Variants in IL1RAPL1 observed in about 807,000 individuals in gnomAD.
The protein encoded by IL1RAPL1 is interleukin-1 receptor accessory protein-like 1.
Under a neutral mutation model 48.4 loss-of-function variants are expected in IL1RAPL1, and 3 were observed. The observed-to-expected ratio is 0.06, with a 90% CI of 0.03 to 0.16. The LOEUF is 0.16. IL1RAPL1 is among the 10% of genes least tolerant of loss of function. The pLI, the probability that IL1RAPL1 is intolerant of heterozygous loss-of-function variation, is 1.00. For synonymous variants in IL1RAPL1, 185 were observed against 187.7 expected, an observed-to-expected ratio of 0.99 and a Z score of 0.12; for missense variants, 349 against 530.6, an observed-to-expected ratio of 0.66 and a Z score of 3.36.
At chrX:29,719,086 A>G (rs760898040) in intron 6 of IL1RAPL1, among the ~76,000 whole-genome samples, 4 of 112,092 alleles carry the variant, frequency 3.6e-5, no homozygotes, top group Non-Finnish European at 7.5e-5. Flanking sequence ...TTTCCGGTTA[A>G]TAATCATTGC....
At chrX:28,608,151 C>T (rs1338188026) in intron 1 of IL1RAPL1, among the ~76,000 whole-genome samples, 1 of 111,688 alleles carries the variant, frequency 9.0e-6, no homozygotes, top group Non-Finnish European at 1.9e-5. Flanking sequence ...GCTTTGACTA[C>T]AGATGTAAAA....
intron 2 of IL1RAPL1, among the ~76,000 whole-genome samples, chrX:29,054,031 A>T (rs1040802177): frequency 9.0e-6 from 1 of 111,504 alleles, no homozygotes; most frequent in Admixed American, 9.6e-5. Context: ...TTATGTATGT[A>T]TACCACATTT....
At chrX:28,909,513 A>G (rs1251216383) in intron 2 of IL1RAPL1, among the ~76,000 whole-genome samples, 1 of 111,307 alleles carries the variant, frequency 9.0e-6, no homozygotes, top group Non-Finnish European at 1.9e-5. Context: ...CCTTTTTATA[A>G]ACATCTTCAT....
At position 29,867,443 on chromosome X, in the gene IL1RAPL1, C is replaced by T. The variant is rs189968857; in HGVS notation, c.779-50021C>T. On this transcript the variant is annotated intron_variant, in intron 6 of 10. Transcript: ENST00000378993. ...TTAAAAAAGAGATCGAAGAGAGTGGCCTAGGCCCTTTTTTGCCATTCCACC... is the reference window on the plus strand; with the variant it reads ...TTAAAAAAGAGATCGAAGAGAGTGGTCTAGGCCCTTTTTTGCCATTCCACC... Among the ~76,000 whole-genome samples the T allele has an allele frequency of 1.5e-4, 17 of 111,193 alleles. No individual in the cohort carries two copies. In the East Asian group the frequency reaches 4.8e-3, roughly 32 times the overall value.
intron 1 of IL1RAPL1, among the ~76,000 whole-genome samples, chrX:28,714,299 A>C (rs1202413746): frequency 9.0e-6 from 1 of 111,441 alleles, no homozygotes; most frequent in Admixed American, 9.6e-5. Context: ...CTTCTTCCTA[A>C]CATTTTAGAT....
intron 1 of IL1RAPL1, among the ~76,000 whole-genome samples, chrX:28,743,947 T>C (rs1360907320): frequency 9.0e-6 from 1 of 111,136 alleles, no homozygotes; most frequent in African/African-American, 3.3e-5. Flanking sequence ...TATTCAAGTC[T>C]GAGCATTTGC....
intron 6 of IL1RAPL1, among the ~76,000 whole-genome samples, chrX:29,723,938 C>T (rs1927709594): frequency 1.8e-5 from 2 of 110,616 alleles, no homozygotes; most frequent in Admixed American, 1.9e-4. Flanking sequence ...CCTCAGTCTC[C>T]CAAGTAGCTG....
At chrX:29,803,113 A>ATATGTGTATACATGTATGCATATATG in intron 6 of IL1RAPL1, among the ~76,000 whole-genome samples, 1 of 91,232 alleles carries the variant, frequency 1.1e-5, no homozygotes, top group South Asian at 5.1e-4. Flanking sequence ...ACATATATGT[A>ATATGTGTATACATGTATGCATATATG]TATATGTGTA....
At chrX:28,766,995 C>T (rs1936248573) in intron 1 of IL1RAPL1, among the ~76,000 whole-genome samples, 1 of 111,498 alleles carries the variant, frequency 9.0e-6, no homozygotes, top group Non-Finnish European at 1.9e-5. Flanking sequence ...AGTACTGCAA[C>T]AAACATAGGA....
At chrX:29,173,477 C>A (rs1469191814) in intron 2 of IL1RAPL1, among the ~76,000 whole-genome samples, 1 of 111,496 alleles carries the variant, frequency 9.0e-6, no homozygotes, top group Non-Finnish European at 1.9e-5. Context: ...AAAATTCATA[C>A]CTTTGTGGTC....
chrX:28,713,178 C>T (rs979224689), intron 1 of IL1RAPL1, among the ~76,000 whole-genome samples: 4 of 110,214 alleles, frequency 3.6e-5, no homozygotes, highest in East Asian at 2.9e-4. Context: ...CTCAGCCTCC[C>T]GAGTAGCTGG....
intron 2 of IL1RAPL1, among the ~76,000 whole-genome samples, chrX:28,817,123 A>T (rs1936879653): frequency 9.0e-6 from 1 of 111,058 alleles, no homozygotes; most frequent in Non-Finnish European, 1.9e-5. Context: ...ATAGCTCTTC[A>T]TGAAACTTAT....
intron 6 of IL1RAPL1, among the ~76,000 whole-genome samples, chrX:29,877,829 A>C (rs760435216): frequency 8.9e-6 from 1 of 111,875 alleles, no homozygotes; most frequent in South Asian, 3.7e-4. Flanking sequence ...CCCATGCTTT[A>C]GAATTTTGGT....
At chrX:29,621,676 A>G (rs1233251552) in intron 5 of IL1RAPL1, among the ~76,000 whole-genome samples, 2 of 111,858 alleles carry the variant, frequency 1.8e-5, no homozygotes, top group Non-Finnish European at 3.8e-5. Flanking sequence ...TTAAGGGTAC[A>G]CATGACAATT....
chrX:29,298,658 G>A (rs1452378768), intron 3 of IL1RAPL1, among the ~76,000 whole-genome samples: 1 of 111,405 alleles, frequency 9.0e-6, no homozygotes, highest in Non-Finnish European at 1.9e-5. Context: ...GAAAACTCAA[G>A]GCCCCTTAAA....
intron 2 of IL1RAPL1, among the ~76,000 whole-genome samples, chrX:29,192,101 T>C (rs1323344180): frequency 9.0e-6 from 1 of 111,174 alleles, no homozygotes; most frequent in Non-Finnish European, 1.9e-5. Context: ...GGTTTTCTCT[T>C]GACTCAGAGT....
At chrX:29,391,424 C>T (rs949978910) in intron 3 of IL1RAPL1, among the ~76,000 whole-genome samples, 7 of 110,711 alleles carry the variant, frequency 6.3e-5, no homozygotes, top group South Asian at 3.8e-4. Context: ...CTTTGTAAGG[C>T]GGGACTCAAA....
intron 2 of IL1RAPL1, among the ~76,000 whole-genome samples, chrX:29,122,550 G>T (rs1351633564): frequency 9.5e-6 from 1 of 105,621 alleles, no homozygotes; most frequent in Non-Finnish European, 1.9e-5. Context: ...AGCCTAAAGG[G>T]AAACATTTGT....
chrX:29,109,512 C>G (rs5985820), intron 2 of IL1RAPL1, among the ~76,000 whole-genome samples: 23,319 of 109,046 alleles, frequency 0.21, 2,198 homozygotes, highest in African/African-American at 0.35. Context: ...TTTTAGGACG[C>G]CTGATTTTGT....
Sources: gnomAD v4.1 joint callset for allele counts (sites outside exome capture counted in the v4.1 genomes callset) on GRCh38, gnomAD v4.1.1 for gene constraint, MANE v1.5 for transcripts, NCBI Gene and HGNC (gene_info 2026-07-23, HGNC 2026-07-21) for gene names.